ELFN1: variants seen among roughly 807,000 people sequenced by gnomAD.
ELFN1 encodes the protein protein ELFN1.
Under a neutral mutation model 7.6 loss-of-function variants are expected in ELFN1, and 6 were observed. That is an observed-to-expected ratio of 0.79 (90% confidence interval 0.43 to 1.56). The LOEUF is 1.56. ELFN1 is among the 40% of genes most tolerant of loss of function. The probability of loss-of-function intolerance (pLI) is 0.01; values close to 1 mark genes in which losing one functional copy is unlikely to be tolerated. For missense variants in ELFN1, 1,169 were observed against 1,232.2 expected (o/e 0.95, Z 0.77); for synonymous variants, 657 against 588.1 (o/e 1.12, Z -1.70).
At chr7:1,728,545 C>T (rs1482476978) in intron 3 of ELFN1, among the ~76,000 whole-genome samples, 1 of 152,212 alleles carries the variant, frequency 6.6e-6, no homozygotes, top group East Asian at 1.9e-4. Flanking sequence ...CTCAGGGTCC[C>T]CTGGTTCGGA....
intron 3 of ELFN1, among the ~76,000 whole-genome samples, chr7:1,732,257 C>T (rs916971860): frequency 2.6e-5 from 4 of 152,142 alleles, no homozygotes; most frequent in African/African-American, 4.8e-5. Context: ...ACGTCCCAGG[C>T]AGAGGAAACA....
At position 1,745,915 on chromosome 7, in the gene ELFN1, T is replaced by A. The variant is rs898846750; in HGVS notation, c.1319T>A (p.Leu440Gln). 1 of 1,575,462 alleles carries A rather than the reference T, an allele frequency of 6.3e-7. No homozygotes were observed. Among genetic ancestry groups the A allele is most frequent in the Non-Finnish European group, 8.6e-7 (1 of 1,162,648 alleles). Residue 440 changes from leucine to glutamine, a missense_variant, in exon 4 of 4, where the codon CTG (leucine) becomes CAG (glutamine). Physicochemically the swap from Leu to Gln is moderately radical, Grantham distance 113. Transcript: ENST00000424383. ...VLVLGAVYYCLRRRRRQEEKH... is the reference protein window; with the variant it reads ...VLVLGAVYYCQRRRRRQEEKH... ...GTGCTGGGCGCCGTCTACTACTGCC[T>A]GCGCAGGCGGCGGCGCCAGGAGGAG...
upstream of ELFN1, among the ~76,000 whole-genome samples, chr7:1,669,141 A>G (rs560386377): frequency 6.6e-6 from 1 of 152,366 alleles, no homozygotes; most frequent in Non-Finnish European, 1.5e-5. Flanking sequence ...AGGCCGGTCC[A>G]TACAGGACTG....
chr7:1,674,236 A>C (rs962048808), intron 1 of ELFN1, among the ~76,000 whole-genome samples: 2 of 151,642 alleles, frequency 1.3e-5, no homozygotes, highest in African/African-American at 2.4e-5. Flanking sequence ...GCTCCGGGCC[A>C]TGGGGGTGCA....
intron 3 of ELFN1, among the ~76,000 whole-genome samples, chr7:1,716,881 G>GA (rs1380155180): frequency 1.3e-5 from 2 of 152,190 alleles, no homozygotes; most frequent in Non-Finnish European, 2.9e-5. Context: ...GTAGGGAGAA[G>GA]AGGAGGATCT....
Position 1,745,181 on chromosome 7 carries a change from C to T in ELFN1, c.585C>T (p.Ser195=). 1.3e-6 allele frequency: 2 copies of T among 1,547,446 alleles called. No homozygotes were observed. The highest frequency in any genetic ancestry group is 2.4e-5 in the East Asian group (1 of 40,924). ...CELYSNPFYC[S]CELLGFLRWL... Reference sequence around the variant, plus strand: ...TCTACAGCAACCCCTTCTACTGCTCCTGCGAGCTGCTGGGCTTCCTGCGCT... The same window carrying T: ...TCTACAGCAACCCCTTCTACTGCTCTTGCGAGCTGCTGGGCTTCCTGCGCT... The change falls in exon 4 of 4, where the codon TCC becomes TCT. Residue 195 remains serine (S), a synonymous_variant. Transcript: ENST00000424383.
intron 3 of ELFN1, among the ~76,000 whole-genome samples, chr7:1,742,831 G>A (rs905152490): frequency 3.3e-5 from 5 of 152,280 alleles, no homozygotes; most frequent in Non-Finnish European, 7.4e-5. Context: ...TTTCCAAAGG[G>A]AGGAAAAAAC....
chr7:1,728,761 G>C (rs940685530), intron 3 of ELFN1, among the ~76,000 whole-genome samples: 1 of 152,326 alleles, frequency 6.6e-6, no homozygotes, highest in South Asian at 2.1e-4. Flanking sequence ...CCAGAGTTTT[G>C]TGAGTATCAG....
At chr7:1,738,058 A>T (rs747666558) in intron 3 of ELFN1, among the ~76,000 whole-genome samples, 17 of 152,208 alleles carry the variant, frequency 1.1e-4, no homozygotes, top group Non-Finnish European at 2.1e-4. Flanking sequence ...TGCGACAAGC[A>T]GACCTCGCCA....
At chr7:1,722,144 A>C (rs1273145111) in intron 3 of ELFN1, among the ~76,000 whole-genome samples, 1 of 152,166 alleles carries the variant, frequency 6.6e-6, no homozygotes, top group East Asian at 1.9e-4. Flanking sequence ...GGGCACATTA[A>C]CAAGTACAGG....
At chr7:1,666,252 C>T (rs1778669321), upstream of ELFN1, among the ~76,000 whole-genome samples, 1 of 151,922 alleles carries the variant, frequency 6.6e-6, no homozygotes, top group Non-Finnish European at 1.5e-5. The surrounding 1 kb of genome is among the most constrained non-coding windows in gnomAD (Gnocchi z 7.9). Flanking sequence ...AGGGTCCCCG[C>T]CCCTAGGGGA....
chr7:1,668,780 C>T (rs1778709539), upstream of ELFN1, among the ~76,000 whole-genome samples: 1 of 152,260 alleles, frequency 6.6e-6, no homozygotes, highest in Non-Finnish European at 1.5e-5. Context: ...TGGCTCTGAC[C>T]GTGGTCCAGG....
chr7:1,693,086 G>C (rs1291700047), intron 2 of ELFN1: 6 of 325,330 alleles, frequency 1.8e-5, no homozygotes, highest in South Asian at 1.3e-4. Context: ...GCCCCAGCTG[G>C]GCTGGCCCGT....
At chr7:1,666,953 C>T (rs1037066222), upstream of ELFN1, among the ~76,000 whole-genome samples, 4 of 151,738 alleles carry the variant, frequency 2.6e-5, no homozygotes, top group African/African-American at 7.3e-5. The surrounding 1 kb of genome is among the most constrained non-coding windows in gnomAD (Gnocchi z 7.9). Context: ...GTGACCCTAG[C>T]CTCTCCCGGT....
intron 3 of ELFN1, among the ~76,000 whole-genome samples, chr7:1,719,926 A>C (rs1400289074): frequency 1.1e-4 from 8 of 71,330 alleles, no homozygotes; most frequent in Non-Finnish European, 1.7e-4. Context: ...CCCCACCATC[A>C]CCTCTGCAAG....
intron 2 of ELFN1, chr7:1,693,266 G>A: frequency 2.3e-6 from 1 of 443,218 alleles, no homozygotes; most frequent in South Asian, 1.6e-5. Flanking sequence ...GGGTTAGGAA[G>A]AGAGGATGTA....
intron 3 of ELFN1, among the ~76,000 whole-genome samples, chr7:1,723,911 G>A (rs561609366): frequency 9.4e-4 from 143 of 152,146 alleles, no homozygotes; most frequent in African/African-American, 3.3e-3. Context: ...CTTTTTTTTG[G>A]ATGAGCTGAC....
intron 3 of ELFN1, among the ~76,000 whole-genome samples, chr7:1,736,155 C>G (rs567785740): frequency 1.3e-5 from 2 of 152,332 alleles, no homozygotes; most frequent in Admixed American, 1.3e-4. Context: ...GGGAGACAGA[C>G]AGGGCGAGAG....
intron 2 of ELFN1, chr7:1,692,385 A>C (rs1369027668): frequency 6.5e-6 from 1 of 152,730 alleles, no homozygotes; most frequent in Non-Finnish European, 1.5e-5. Context: ...CTCAGGGCTC[A>C]CGGCAGTGTA....
Sources: gnomAD v4.1 joint callset for allele counts (sites outside exome capture counted in the v4.1 genomes callset) on GRCh38, gnomAD v4.1.1 for gene constraint, Gnocchi (gnomAD v3.1) non-coding constraint, MANE v1.5 for transcripts, NCBI Gene and HGNC (gene_info 2026-07-23, HGNC 2026-07-21) for gene names.